Variants in RBFOX1 observed in about 807,000 individuals in gnomAD.
RBFOX1 encodes the protein RNA binding protein fox-1 homolog 1.
RBFOX1 carries 8 observed loss-of-function variants against 57.7 expected under a neutral mutation model. The ratio of observed to expected loss-of-function variants is 0.14; its 90% CI spans 0.08 to 0.25. The LOEUF is 0.25. Ranked by LOEUF, RBFOX1 falls within the 10% of genes least tolerant of loss-of-function variation. RBFOX1 has a pLI of 1.00. For missense variants in RBFOX1, 611 were observed against 548.5 expected, an observed-to-expected ratio of 1.11 and a Z score of -1.14; for synonymous variants, 326 against 222.4, an observed-to-expected ratio of 1.47 and a Z score of -4.15.
At chr16:5,375,879 T>A (rs897009946) in intron 1 of RBFOX1, among the ~76,000 whole-genome samples, 10 of 152,128 alleles carry the variant, frequency 6.6e-5, no homozygotes, top group African/African-American at 2.4e-4. Context: ...TTTAAGATAG[T>A]CATCTGGCTG....
intron 3 of RBFOX1, among the ~76,000 whole-genome samples, chr16:5,757,806 A>G (rs968394706): frequency 2.0e-5 from 3 of 152,192 alleles, no homozygotes; most frequent in Non-Finnish European, 4.4e-5. Flanking sequence ...CAGATTCTTC[A>G]GCTTGTCATC....
At chr16:6,833,490 C>G (rs1413898832) in intron 3 of RBFOX1, among the ~76,000 whole-genome samples, 1 of 152,126 alleles carries the variant, frequency 6.6e-6, no homozygotes, top group East Asian at 1.9e-4. Context: ...TAGCTCCCAC[C>G]TTCTCAGGGA....
chr16:7,571,548 T>G (rs1370778070), intron 5 of RBFOX1, among the ~76,000 whole-genome samples: 1 of 152,224 alleles, frequency 6.6e-6, no homozygotes, highest in African/African-American at 2.4e-5. Flanking sequence ...GAGATTAAAG[T>G]GCCAGTGGTG....
intron 2 of RBFOX1, among the ~76,000 whole-genome samples, chr16:6,563,211 C>T (rs897945398): frequency 3.3e-5 from 5 of 152,266 alleles, no homozygotes; most frequent in East Asian, 1.9e-4. Context: ...CATGGCACTG[C>T]GTGACTTCCA....
At chr16:5,975,375 T>C (rs978988063) in intron 4 of RBFOX1, among the ~76,000 whole-genome samples, 6 of 152,220 alleles carry the variant, frequency 3.9e-5, no homozygotes, top group Admixed American at 1.3e-4. Flanking sequence ...AATGCATTAA[T>C]GTAATACATC....
chr16:5,780,554 T>C (rs2054292659), intron 3 of RBFOX1, among the ~76,000 whole-genome samples: 1 of 152,152 alleles, frequency 6.6e-6, no homozygotes, highest in Non-Finnish European at 1.5e-5. Context: ...AATCAATCAA[T>C]TCCTCCAAAT....
intron 3 of RBFOX1, among the ~76,000 whole-genome samples, chr16:6,876,675 A>C (rs772757518): frequency 3.3e-5 from 5 of 152,098 alleles, no homozygotes; most frequent in Non-Finnish European, 4.4e-5. Flanking sequence ...TCTATTTCTT[A>C]ATCTTGGCTG....
chr16:5,316,268 A>G (rs1210794015), intron 1 of RBFOX1, among the ~76,000 whole-genome samples: 2 of 152,206 alleles, frequency 1.3e-5, no homozygotes, highest in Non-Finnish European at 2.9e-5. Flanking sequence ...GTGCCTTCTC[A>G]GATATCCTTA....
At chr16:6,958,200 A>G (rs539479999) in intron 3 of RBFOX1, among the ~76,000 whole-genome samples, 13 of 152,088 alleles carry the variant, frequency 8.5e-5, no homozygotes, top group Non-Finnish European at 2.9e-5. Flanking sequence ...GAGGCACAGC[A>G]TTTTTTCCAG....
intron 2 of RBFOX1, among the ~76,000 whole-genome samples, chr16:6,384,149 A>G (rs2092070010): frequency 6.8e-6 from 1 of 147,558 alleles, no homozygotes; most frequent in Non-Finnish European, 1.5e-5. Flanking sequence ...AAGGTGCTGG[A>G]TCATTAATCT....
intron 3 of RBFOX1, among the ~76,000 whole-genome samples, chr16:5,620,181 C>T (rs149465284): frequency 1.1e-4 from 16 of 152,154 alleles, no homozygotes; most frequent in Admixed American, 7.8e-4. Flanking sequence ...TACATTTTTG[C>T]GCCATGCTCA....
chr16:7,670,186 G>C lies in RBFOX1; in HGVS notation c.930+5218G>C, dbSNP rs376387422. Among the ~76,000 whole-genome samples the C allele has an allele frequency of 2.6e-5, 4 of 151,964 alleles. No homozygotes were observed. In the East Asian group the frequency reaches 7.7e-4, roughly 29 times the overall value. On this transcript the variant is annotated intron_variant, in intron 13 of 15. Transcript: ENST00000550418. ...AGCTGAGACTACATGCATGCACCACGACGCCTGGCTAATTTTTGGATCCTT... is the reference window on the plus strand; with the variant it reads ...AGCTGAGACTACATGCATGCACCACCACGCCTGGCTAATTTTTGGATCCTT...
chr16:6,540,210 C>G (rs923247560), intron 2 of RBFOX1, among the ~76,000 whole-genome samples: 3 of 152,084 alleles, frequency 2.0e-5, no homozygotes, highest in Middle Eastern at 6.8e-3. Context: ...TTCTTCATTA[C>G]TTTAACATTC....
intron 2 of RBFOX1, among the ~76,000 whole-genome samples, chr16:6,477,408 T>C (rs769170817): frequency 4.6e-5 from 7 of 152,212 alleles, no homozygotes; most frequent in Non-Finnish European, 7.3e-5. Flanking sequence ...AGAACACTTA[T>C]GTCCTTGTGC....
chr16:5,613,780 A>G (rs1333119742), intron 3 of RBFOX1, among the ~76,000 whole-genome samples: 1 of 150,774 alleles, frequency 6.6e-6, no homozygotes, highest in Admixed American at 6.6e-5. Context: ...TCCTTGTTTA[A>G]CTCCCCAAAT....
chr16:6,436,511 C>CCT (rs2094238652), intron 2 of RBFOX1, among the ~76,000 whole-genome samples: 3 of 103,418 alleles, frequency 2.9e-5, no homozygotes, highest in East Asian at 5.6e-4. Context: ...TTTTTCTTCA[C>CCT]TTTTTTTTTT....
intron 3 of RBFOX1, among the ~76,000 whole-genome samples, chr16:7,022,799 C>T (rs970238243): frequency 1.3e-5 from 2 of 152,182 alleles, no homozygotes; most frequent in East Asian, 1.9e-4. Flanking sequence ...GAGACAAGTT[C>T]TATTCTTATT....
chr16:7,359,260 A>G (rs2097274518), intron 4 of RBFOX1, among the ~76,000 whole-genome samples: 1 of 152,188 alleles, frequency 6.6e-6, no homozygotes, highest in Non-Finnish European at 1.5e-5. Flanking sequence ...ATGAACTATC[A>G]TAGGATATGT....
chr16:5,814,659 T>G lies in RBFOX1; in HGVS notation c.319-52644T>G, dbSNP rs2055558166. On this transcript the variant is annotated intron_variant, in intron 3 of 19. Coordinates refer to the RBFOX1 transcript ENST00000641259. ...AAATTTTATTCCTGGCCGGGCGCGGTGGCTCACGCCTGTAATCCCAGCACT... is the reference window on the plus strand; with the variant it reads ...AAATTTTATTCCTGGCCGGGCGCGGGGGCTCACGCCTGTAATCCCAGCACT... 2.0e-5 allele frequency among the ~76,000 whole-genome samples: 3 copies of G among 152,230 alleles called. No homozygotes were observed. The South Asian group carries it at 6.2e-4, about 32-fold the overall frequency.
Sources: allele counts gnomAD v4.1 joint callset (sites outside exome capture counted in the v4.1 genomes callset), GRCh38; gene constraint gnomAD v4.1.1; transcripts MANE v1.5; gene names NCBI Gene and HGNC (gene_info 2026-07-23, HGNC 2026-07-21).